Variants in CCDC149 observed in about 807,000 individuals in gnomAD.
The protein encoded by CCDC149 is coiled-coil domain-containing protein 149.
CCDC149 carries 45 observed loss-of-function variants against 59.9 expected under a neutral mutation model. The observed-to-expected ratio is 0.75, with a 90% CI of 0.59 to 0.96. CCDC149 has a LOEUF of 0.96. Among genes scored for constraint, CCDC149 ranks in the 40% least tolerant of loss-of-function variants. The probability of loss-of-function intolerance (pLI) is 0.00; values close to 1 mark genes in which losing one functional copy is unlikely to be tolerated. For synonymous variants in CCDC149, 245 were observed against 260.6 expected (o/e 0.94, Z 0.58); for missense variants, 584 against 664.7 (o/e 0.88, Z 1.33).
chr4:24,824,740 T>C (rs1416667178), intron 9 of CCDC149, among the ~76,000 whole-genome samples: 1 of 152,194 alleles, frequency 6.6e-6, no homozygotes, highest in African/African-American at 2.4e-5. Context: ...ACTCAGCTGG[T>C]GGTGAGGCTG....
chr4:24,873,479 T>A (rs929369028), intron 3 of CCDC149, among the ~76,000 whole-genome samples: 1 of 152,206 alleles, frequency 6.6e-6, no homozygotes, highest in African/African-American at 2.4e-5. Context: ...TCAACTGGTG[T>A]ACCTCCCCCA....
chr4:24,948,979 C>T (rs1312347662), intron 1 of CCDC149, among the ~76,000 whole-genome samples: 1 of 152,152 alleles, frequency 6.6e-6, no homozygotes, highest in Non-Finnish European at 1.5e-5. Flanking sequence ...TTGAGGCCTC[C>T]CCAGCCACGT....
chr4:24,947,989 C>A (rs932976490), intron 1 of CCDC149, among the ~76,000 whole-genome samples: 5 of 152,196 alleles, frequency 3.3e-5, no homozygotes, highest in Admixed American at 6.5e-5. Flanking sequence ...ACTTCGAGTG[C>A]CAAATCAATT....
intron 3 of CCDC149, among the ~76,000 whole-genome samples, chr4:24,866,821 A>C (rs200829829): frequency 4.3e-4 from 12 of 28,032 alleles, no homozygotes; most frequent in East Asian, 2.7e-3. Flanking sequence ...ACACACACAC[A>C]CCCACACACA....
Position 24,813,515 on chromosome 4 carries a change from T to TAC in CCDC149, c.1193-4697_1193-4696insGT, listed in dbSNP as rs1560197676. Among the ~76,000 whole-genome samples the TAC allele has an allele frequency of 1.1e-3, 149 of 133,492 alleles. 1 individual carries two copies. Among genetic ancestry groups the TAC allele is most frequent in the African/African-American group, 4.7e-3 (141 of 29,868 alleles). The allele number at this position is 133,492 out of a possible 152,430, so 87.6% of individuals were successfully genotyped here. A position where few individuals can be genotyped will look rare whatever the true frequency, so the allele number is the denominator to read the frequency against. The stretch of plus-strand genomic sequence containing the variant: ...ATATATATATATATATATATATATA[T>TAC]ATATATATATATAAAACCTAAAAAG... On this transcript the variant is annotated intron_variant, in intron 12 of 12. Transcript: ENST00000635206.
At chr4:24,969,653 A>T (rs1723903325) in intron 1 of CCDC149, among the ~76,000 whole-genome samples, 1 of 152,196 alleles carries the variant, frequency 6.6e-6, no homozygotes, top group Non-Finnish European at 1.5e-5. Context: ...ACCCCAGTGG[A>T]GGCTTTGTTA....
chr4:24,969,576 G>C (rs1207651684), intron 1 of CCDC149, among the ~76,000 whole-genome samples: 2 of 152,202 alleles, frequency 1.3e-5, no homozygotes, highest in African/African-American at 4.8e-5. Context: ...TGTCTTTGCA[G>C]GGCTGGAGTT....
At chr4:24,958,981 C>T (rs776971596) in intron 1 of CCDC149, among the ~76,000 whole-genome samples, 2 of 152,058 alleles carry the variant, frequency 1.3e-5, no homozygotes, top group Non-Finnish European at 2.9e-5. Flanking sequence ...TGCAGTAAGC[C>T]GAGATCACGC....
At chr4:24,826,723 G>A (rs1459399121) in intron 9 of CCDC149, among the ~76,000 whole-genome samples, 1 of 152,192 alleles carries the variant, frequency 6.6e-6, no homozygotes, top group Non-Finnish European at 1.5e-5. Context: ...TGGGAGTTGA[G>A]AAGAGGCAAC....
At chr4:24,978,124 C>G (rs189733412) in intron 1 of CCDC149, among the ~76,000 whole-genome samples, 2 of 152,264 alleles carry the variant, frequency 1.3e-5, no homozygotes, top group African/African-American at 4.8e-5. Context: ...GGGCAAGACC[C>G]TGTCTCAAAA....
intron 10 of CCDC149, among the ~76,000 whole-genome samples, chr4:24,822,202 G>T (rs1034847900): frequency 2.0e-4 from 30 of 151,800 alleles, no homozygotes; most frequent in African/African-American, 6.8e-4. Flanking sequence ...ATTCACAAAA[G>T]TTAAAAAAAA....
chr4:24,823,849 C>G (rs991773862), intron 9 of CCDC149, among the ~76,000 whole-genome samples: 2 of 152,152 alleles, frequency 1.3e-5, no homozygotes, highest in Non-Finnish European at 2.9e-5. Flanking sequence ...TAAAATTATG[C>G]AGTCTTTATC....
intron 1 of CCDC149, among the ~76,000 whole-genome samples, chr4:24,974,533 G>T (rs752662780): frequency 1.3e-5 from 2 of 152,134 alleles, no homozygotes; most frequent in Non-Finnish European, 2.9e-5. Flanking sequence ...TCTGTCATGA[G>T]GATTTCATAA....
chr4:24,974,696 G>A (rs1358781050), intron 1 of CCDC149, among the ~76,000 whole-genome samples: 2 of 152,150 alleles, frequency 1.3e-5, no homozygotes, highest in African/African-American at 4.8e-5. Context: ...ATCAATGTCT[G>A]CTGAATCACA....
chr4:24,908,537 A>G (rs1463284715), intron 1 of CCDC149, among the ~76,000 whole-genome samples: 2 of 151,914 alleles, frequency 1.3e-5, no homozygotes, highest in Non-Finnish European at 2.9e-5. Flanking sequence ...TCTACAAAAA[A>G]AAAAAAAAAA....
At chr4:24,893,063 C>G (rs905772627) in intron 1 of CCDC149, among the ~76,000 whole-genome samples, 13 of 152,118 alleles carry the variant, frequency 8.5e-5, no homozygotes, top group Non-Finnish European at 1.6e-4. Flanking sequence ...CCTTCCTGAC[C>G]TAATGACCTC....
rs531426288 is a variant in CCDC149 at position 24,949,035 on chromosome 4, T to A, written c.-65+31034A>T. Among the ~76,000 whole-genome samples the A allele has an allele frequency of 5.9e-5, 9 of 152,280 alleles. No individual in the cohort carries two copies. In the East Asian group the frequency reaches 1.7e-3, roughly 29 times the overall value. On this transcript the variant is annotated intron_variant, in intron 1 of 12. Transcript: ENST00000389609. ...CCTCTTTCTTTTATAAATTACCCAG[T>A]CTCTGGTATGTCTTTATCAGCAGTG...
At chr4:24,895,350 GC>G (rs2109295621) in intron 1 of CCDC149, among the ~76,000 whole-genome samples, 1 of 152,260 alleles carries the variant, frequency 6.6e-6, no homozygotes, top group South Asian at 2.1e-4. Context: ...CTACGTGTTA[GC>G]CTCGATACAA....
rs535827899 is a variant in CCDC149, at chr4:24,974,133, G to T, written c.-65+5936C>A. Among the ~76,000 whole-genome samples, 5 of 152,336 alleles carry T rather than the reference G, an allele frequency of 3.3e-5. No individual in the cohort carries two copies. The South Asian group carries it at 1.0e-3, about 32-fold the overall frequency. Reference sequence around the variant, plus strand: ...CCCACTGTCTAACTAGGTCAGCCTCGGGCACAGCTCCTTTTGACAGTTTGC... The same window carrying T: ...CCCACTGTCTAACTAGGTCAGCCTCTGGCACAGCTCCTTTTGACAGTTTGC... On this transcript the variant is annotated intron_variant, in intron 1 of 12. Transcript: ENST00000389609.
Sources: allele counts gnomAD v4.1 joint callset (sites outside exome capture counted in the v4.1 genomes callset), GRCh38; gene constraint gnomAD v4.1.1; transcripts MANE v1.5; gene names NCBI Gene and HGNC (gene_info 2026-07-23, HGNC 2026-07-21).